The following MAGI2 variants were observed in gnomAD, a reference collection of about 807,000 sequenced individuals.
The protein encoded by MAGI2 is membrane-associated guanylate kinase, WW and PDZ domain-containing protein 2.
A neutral mutation model predicts 133.3 loss-of-function variants in MAGI2; 35 were observed. The observed-to-expected ratio is 0.26, with a 90% CI of 0.20 to 0.35. MAGI2 has a LOEUF of 0.35. MAGI2 is among the 10% of genes least tolerant of loss of function. The pLI, the probability that MAGI2 is intolerant of heterozygous loss-of-function variation, is 1.00. For missense variants in MAGI2, 1,636 were observed against 1,863.4 expected, an observed-to-expected ratio of 0.88 and a Z score of 2.25; for synonymous variants, 729 against 710.6, an observed-to-expected ratio of 1.03 and a Z score of -0.41.
intron 2 of MAGI2, among the ~76,000 whole-genome samples, chr7:78,666,082 A>C (rs1813543143): frequency 6.6e-6 from 1 of 152,168 alleles, no homozygotes. Flanking sequence ...CTGAAGAACC[A>C]AAATACTGCT....
chr7:78,685,833 T>C (rs1015363302), intron 2 of MAGI2, among the ~76,000 whole-genome samples: 3 of 152,090 alleles, frequency 2.0e-5, no homozygotes, highest in African/African-American at 7.2e-5. Flanking sequence ...ATGATCATCA[T>C]TGTTATTCTG....
intron 2 of MAGI2, among the ~76,000 whole-genome samples, chr7:78,978,903 C>T (rs1584562003): frequency 1.3e-5 from 2 of 151,724 alleles, no homozygotes; most frequent in Non-Finnish European, 2.9e-5. Context: ...CCACTATACA[C>T]ATATACAGGA....
rs186872556 is a variant in MAGI2, at chr7:78,528,484, T to C, written c.539-6839A>G. The stretch of plus-strand genomic sequence containing the variant: ...AACTAGTACCAAAAACCATTCTAAC[T>C]CATGTCACCCATGGCAAAAGAATCA... On this transcript the variant is annotated intron_variant, in intron 3 of 21. Coordinates refer to ENST00000354212, the MANE Select transcript of MAGI2 (RefSeq NM_012301.4). 3.9e-3 allele frequency among the ~76,000 whole-genome samples: 596 copies of C among 152,302 alleles called. 4 individuals carry two copies. The highest frequency in any genetic ancestry group is 6.5e-3 in the Non-Finnish European group (439 of 68,024).
chr7:78,353,193 A>G (rs1412209562), intron 7 of MAGI2, among the ~76,000 whole-genome samples: 1 of 152,220 alleles, frequency 6.6e-6, no homozygotes, highest in African/African-American at 2.4e-5. Context: ...TAGCTAAAGG[A>G]AAACTAAAAG....
chr7:78,247,915 G>T (rs866817963), intron 10 of MAGI2, among the ~76,000 whole-genome samples: 3 of 152,198 alleles, frequency 2.0e-5, no homozygotes, highest in African/African-American at 7.2e-5. Context: ...TTATAAAATA[G>T]TTGGTGAAAA....
chr7:79,435,614 T>C (rs1848081672), intron 1 of MAGI2, among the ~76,000 whole-genome samples: 1 of 63,800 alleles, frequency 1.6e-5, no homozygotes, highest in Non-Finnish European at 3.2e-5. Flanking sequence ...ACTGAGAAGG[T>C]ACCTATAAAA....
chr7:78,529,921 TAA>T (rs999714727), intron 3 of MAGI2, among the ~76,000 whole-genome samples: 3 of 151,862 alleles, frequency 2.0e-5, no homozygotes, highest in Non-Finnish European at 4.4e-5. Flanking sequence ...TAATAATTAA[TAA>T]AAAAGTTACT....
At chr7:79,327,626 T>C (rs1297463978) in intron 1 of MAGI2, among the ~76,000 whole-genome samples, 1 of 152,050 alleles carries the variant, frequency 6.6e-6, no homozygotes, top group Non-Finnish European at 1.5e-5. Context: ...TTCAGAAGCG[T>C]CCTCATATGC....
intron 2 of MAGI2, among the ~76,000 whole-genome samples, chr7:78,704,777 T>TCTTTTTTTTTCTC (rs1818441325): frequency 8.5e-6 from 1 of 117,970 alleles, no homozygotes; most frequent in African/African-American, 3.7e-5. Context: ...AGGCCATTAT[T>TCTTTTTTTTTCTC]CTTTTTTTTT....
At chr7:78,398,736 C>G (rs1471065271) in intron 6 of MAGI2, among the ~76,000 whole-genome samples, 2 of 152,102 alleles carry the variant, frequency 1.3e-5, no homozygotes, top group Non-Finnish European at 2.9e-5. Flanking sequence ...TACCAATTAG[C>G]AAACCCAAAT....
intron 1 of MAGI2, among the ~76,000 whole-genome samples, chr7:79,350,738 T>G (rs1841631675): frequency 6.6e-6 from 1 of 152,180 alleles, no homozygotes; most frequent in Admixed American, 6.5e-5. Flanking sequence ...GTCATTCTTC[T>G]TATTAAAATT....
At chr7:79,383,382 A>C (rs561491406) in intron 1 of MAGI2, among the ~76,000 whole-genome samples, 1 of 151,642 alleles carries the variant, frequency 6.6e-6, no homozygotes, top group Admixed American at 6.6e-5. Context: ...ATTCACAAGG[A>C]AAGTTTAGGA....
chr7:79,255,744 A>G (rs1833636004), intron 1 of MAGI2, among the ~76,000 whole-genome samples: 2 of 152,142 alleles, frequency 1.3e-5, no homozygotes, highest in African/African-American at 4.8e-5. Context: ...GGTCTACAGA[A>G]CTAGGAATCC....
intron 1 of MAGI2, among the ~76,000 whole-genome samples, chr7:79,289,172 C>T (rs571825330): frequency 3.9e-5 from 6 of 152,144 alleles, no homozygotes; most frequent in African/African-American, 1.2e-4. Context: ...TGAAGTGGAC[C>T]TTTCAGCATT....
intron 1 of MAGI2, among the ~76,000 whole-genome samples, chr7:79,330,820 T>C (rs1840026090): frequency 1.3e-5 from 2 of 152,140 alleles, no homozygotes; most frequent in African/African-American, 4.8e-5. Context: ...AGTATAAATA[T>C]GCAATACAAG....
intron 2 of MAGI2, among the ~76,000 whole-genome samples, chr7:78,848,507 C>T (rs1032229950): frequency 4.6e-5 from 7 of 151,978 alleles, no homozygotes; most frequent in Non-Finnish European, 8.8e-5. Flanking sequence ...TCATGTTGTT[C>T]TCTGAAAACC....
intron 1 of MAGI2, among the ~76,000 whole-genome samples, chr7:79,065,969 A>T (rs1390868323): frequency 6.6e-6 from 1 of 152,172 alleles, no homozygotes; most frequent in Non-Finnish European, 1.5e-5. Flanking sequence ...ATTGATGGGC[A>T]TTTGAGTTGG....
intron 9 of MAGI2, among the ~76,000 whole-genome samples, chr7:78,284,087 A>G (rs1795902725): frequency 6.6e-6 from 1 of 152,110 alleles, no homozygotes; most frequent in East Asian, 1.9e-4. Flanking sequence ...ATTGTGTCTA[A>G]AACAGCACAA....
At chr7:78,408,687 G>A (rs1797606347) in intron 6 of MAGI2, among the ~76,000 whole-genome samples, 1 of 152,020 alleles carries the variant, frequency 6.6e-6, no homozygotes, top group Non-Finnish European at 1.5e-5. Flanking sequence ...ATTGCGATGT[G>A]CTGAAAAGTA....
Sources: allele counts gnomAD v4.1 joint callset (sites outside exome capture counted in the v4.1 genomes callset), GRCh38; gene constraint gnomAD v4.1.1; transcripts MANE v1.5; gene names NCBI Gene and HGNC (gene_info 2026-07-23, HGNC 2026-07-21).